AHI1: variants seen among roughly 807,000 people sequenced by gnomAD.
AHI1 encodes the protein jouberin.
AHI1 carries 123 observed loss-of-function variants against 149.3 expected under a neutral mutation model. The observed-to-expected ratio is 0.82, with a 90% CI of 0.71 to 0.96. The LOEUF (loss-of-function observed/expected upper bound fraction) is 0.96, where lower values mean the gene tolerates loss of function less well. Among genes scored for constraint, AHI1 ranks in the 40% least tolerant of loss-of-function variants. The pLI, the probability that AHI1 is intolerant of heterozygous loss-of-function variation, is 0.00. For synonymous variants in AHI1, 475 were observed against 459.8 expected, an observed-to-expected ratio of 1.03 and a Z score of -0.42; for missense variants, 1,439 against 1,422.7, an observed-to-expected ratio of 1.01 and a Z score of -0.18.
intron 23 of AHI1, among the ~76,000 whole-genome samples, chr6:135,377,106 C>T (rs992386732): frequency 4.6e-5 from 7 of 151,802 alleles, no homozygotes; most frequent in African/African-American, 1.7e-4. Context: ...TGAATACGAA[C>T]TGTTTATTAG....
intron 26 of AHI1, chr6:135,307,089 C>A (rs188226233): frequency 6.6e-6 from 1 of 151,692 alleles, no homozygotes; most frequent in Non-Finnish European, 1.5e-5. Context: ...AATGGGGAAG[C>A]GGTAAGAGAG....
chr6:135,378,653 G>A (rs1776281421), intron 23 of AHI1, among the ~76,000 whole-genome samples: 1 of 152,050 alleles, frequency 6.6e-6, no homozygotes. Flanking sequence ...TAACAATAAT[G>A]TTATAGATTG....
chr6:135,431,370 A>T, intron 16 of AHI1, 56 bp from the exon 17 acceptor site: 1 of 1,072,394 alleles, frequency 9.3e-7, no homozygotes, highest in South Asian at 1.7e-5. Context: ...TTAGAAACAA[A>T]TAATAGGAAA....
rs1413215076 is a variant in AHI1 at position 135,284,716 on chromosome 6, A to C, written c.*929T>G. 6.6e-6 allele frequency: 1 copy of C among 152,136 alleles called. No homozygotes were observed. Among genetic ancestry groups the C allele is most frequent in the Non-Finnish European group, 1.5e-5 (1 of 68,022 alleles). The allele number at this position is 152,136 out of a possible 1,614,324, so 9.4% of individuals were successfully genotyped here. Reference sequence around the variant, plus strand: ...TTTAAAAAGTAAAGACATTGGGAACATTGTTGCCAGTCCAGCCAAAAATCA... The same window carrying C: ...TTTAAAAAGTAAAGACATTGGGAACCTTGTTGCCAGTCCAGCCAAAAATCA... On this transcript the variant is annotated 3_prime_UTR_variant, in exon 29 of 29. Coordinates refer to ENST00000265602, the MANE Select transcript of AHI1 (RefSeq NM_001134831.2).
At chr6:135,286,809 A>G (rs952629079) in intron 28 of AHI1, among the ~76,000 whole-genome samples, 18 of 152,234 alleles carry the variant, frequency 1.2e-4, no homozygotes, top group African/African-American at 3.1e-4. Flanking sequence ...GTTCTAGTGA[A>G]GCTCATGAAT....
chr6:135,399,252 T>C (rs1779686126), intron 22 of AHI1, among the ~76,000 whole-genome samples: 1 of 152,196 alleles, frequency 6.6e-6, no homozygotes, highest in South Asian at 2.1e-4. Flanking sequence ...GACCCTTCTA[T>C]TTTAGTACAA....
At chr6:135,318,901 T>C (rs1041015199) in intron 25 of AHI1, among the ~76,000 whole-genome samples, 1 of 152,214 alleles carries the variant, frequency 6.6e-6, no homozygotes, top group Non-Finnish European at 1.5e-5. Context: ...TTATTTTATC[T>C]CAATACACAT....
At chr6:135,429,827 T>C (rs1784396924) in intron 18 of AHI1, 55 bp downstream of exon 18, 1 of 1,051,424 alleles carries the variant, frequency 9.5e-7, no homozygotes, top group Non-Finnish European at 1.4e-6. Context: ...AAATATAATT[T>C]AATTCATTAC....
intron 26 of AHI1, among the ~76,000 whole-genome samples, chr6:135,316,563 C>A (rs1449150795): frequency 6.6e-6 from 1 of 152,094 alleles, no homozygotes; most frequent in African/African-American, 2.4e-5. Context: ...GCTTCCAGGG[C>A]ACTTTTTTCT....
At chr6:135,348,777 A>C (rs1791630984) in intron 24 of AHI1, among the ~76,000 whole-genome samples, 1 of 152,246 alleles carries the variant, frequency 6.6e-6, no homozygotes, top group Non-Finnish European at 1.5e-5. Flanking sequence ...AAATGAATCT[A>C]TGAAATTCAG....
chr6:135,350,043 G>GA (rs1791839979), intron 24 of AHI1, among the ~76,000 whole-genome samples: 1 of 152,124 alleles, frequency 6.6e-6, no homozygotes. Flanking sequence ...ACAGAACAAG[G>GA]AAAAAGAAAT....
At position 135,380,786 on chromosome 6, in the gene AHI1, T is replaced by C. The variant is rs183883931; in HGVS notation, c.3109+13990A>G. Among the ~76,000 whole-genome samples the C allele has an allele frequency of 2.5e-3, 309 of 125,226 alleles. 10 individuals are homozygous for C. The highest frequency in any genetic ancestry group is 0.024 in the Admixed American group (252 of 10,538). 82.2% of individuals were successfully genotyped at this position (125,226 alleles called of 152,430 possible). A position where few individuals can be genotyped will look rare whatever the true frequency, so the allele number is the denominator to read the frequency against. ...GTTAAAACAAGAAGGGATTTAATGG[T>C]GGAAAACATTTTTTGGTCCATTACA... is the stretch of plus-strand genomic sequence containing the variant. On this transcript the variant is annotated intron_variant, in intron 23 of 28. Coordinates refer to ENST00000265602, the MANE Select transcript of AHI1 (RefSeq NM_001134831.2).
At chr6:135,301,323 G>C in intron 26 of AHI1, 1 of 968,856 alleles carries the variant, frequency 1.0e-6, no homozygotes, top group Non-Finnish European at 1.2e-6. Flanking sequence ...ATATACAAAT[G>C]AAACAGATAT....
chr6:135,300,318 C>CTT (rs1783694123), intron 27 of AHI1, among the ~76,000 whole-genome samples, 182 bp downstream of exon 27: 1 of 137,040 alleles, frequency 7.3e-6, no homozygotes, highest in Non-Finnish European at 1.5e-5. Flanking sequence ...CAGCAAGACT[C>CTT]TGTCTCCAAA....
chr6:135,438,440 A>G lies in AHI1; in HGVS notation c.1971T>C (p.Ile657=). 1 of 1,560,138 alleles carries G rather than the reference A, an allele frequency of 6.4e-7. No homozygotes were observed. The highest frequency in any genetic ancestry group is 8.7e-7 in the Non-Finnish European group (1 of 1,150,454). ...MRELCGHLNI[I]YDLSWSKDDH... ...CATCTTTTGACCAGGAAAGATCATA[A>G]ATGATATTGAGGTGGCCACACAATT... The change falls in exon 15 of 29, where the codon ATT becomes ATC. Residue 657 remains isoleucine (I), a synonymous_variant. Transcript: ENST00000265602.
chr6:135,474,343 G>A (rs766216653), intron 5 of AHI1, among the ~76,000 whole-genome samples: 4 of 152,032 alleles, frequency 2.6e-5, no homozygotes, highest in Admixed American at 1.3e-4. Context: ...TACCGCATTC[G>A]TCAGGGTCTC....
At chr6:135,286,449 G>C (rs538922585) in intron 28 of AHI1, 1 of 152,214 alleles carries the variant, frequency 6.6e-6, no homozygotes, top group African/African-American at 2.4e-5. Context: ...ACACCTGGTT[G>C]TCCTTAGAAA....
At chr6:135,448,174 G>A (rs1027130074) in intron 12 of AHI1, 116 bp downstream of exon 12, 3 of 673,800 alleles carry the variant, frequency 4.5e-6, no homozygotes, top group East Asian at 6.5e-5. Context: ...TATAACCCCA[G>A]AAATCTATTA....
At chr6:135,411,666 T>C (rs747785782) in intron 20 of AHI1, 122 bp from the exon 21 acceptor site, 10 of 676,334 alleles carry the variant, frequency 1.5e-5, no homozygotes, top group Non-Finnish European at 2.2e-5. Flanking sequence ...TGGGTAATAA[T>C]AAGACACCAT....
Sources: allele counts gnomAD v4.1 joint callset (sites outside exome capture counted in the v4.1 genomes callset), GRCh38; gene constraint gnomAD v4.1.1; transcripts MANE v1.5; gene names NCBI Gene and HGNC (gene_info 2026-07-23, HGNC 2026-07-21).